Variants in KHDRBS1 observed in about 807,000 individuals in gnomAD.
KHDRBS1 encodes KH domain-containing, RNA-binding, signal transduction-associated protein 1.
Under a neutral mutation model 48.4 loss-of-function variants are expected in KHDRBS1, and 7 were observed. That is an observed-to-expected ratio of 0.14 (90% confidence interval 0.08 to 0.27). The LOEUF is 0.27. Among genes scored for constraint, KHDRBS1 ranks in the 10% least tolerant of loss-of-function variants. KHDRBS1 has a pLI of 1.00. For missense variants in KHDRBS1, 458 were observed against 601.2 expected (o/e 0.76, Z 2.49); for synonymous variants, 241 against 235.8 (o/e 1.02, Z -0.20).
chr1:32,030,513 C>T (rs1475102642), intron 2 of KHDRBS1, 91 bp downstream of exon 2: 1 of 1,080,526 alleles, frequency 9.3e-7, no homozygotes, highest in South Asian at 2.2e-5. Context: ...GATTGTGATG[C>T]TTTAGAAACT....
intron 10 of KHDRBS1, among the ~76,000 whole-genome samples, chr1:32,053,078 A>G (rs1639443055): frequency 6.6e-6 from 1 of 152,192 alleles, no homozygotes; most frequent in Non-Finnish European, 1.5e-5. Flanking sequence ...TCTTGAGCCC[A>G]GGAGGTCAAG....
At chr1:32,024,308 T>A (rs925511755) in intron 1 of KHDRBS1, among the ~76,000 whole-genome samples, 1 of 151,672 alleles carries the variant, frequency 6.6e-6, no homozygotes, top group African/African-American at 2.4e-5. Flanking sequence ...TTTCTAAAAT[T>A]TTTTATTAAT....
At chr1:32,038,741 T>A (rs1639231570) in intron 7 of KHDRBS1, 122 bp downstream of exon 7, 2 of 857,058 alleles carry the variant, frequency 2.3e-6, no homozygotes, top group Non-Finnish European at 3.8e-6. Context: ...TGAGGGTATC[T>A]CCTCTGCAAC....
At chr1:32,028,169 G>A (rs898972899) in intron 1 of KHDRBS1, among the ~76,000 whole-genome samples, 11 of 152,190 alleles carry the variant, frequency 7.2e-5, no homozygotes, top group Non-Finnish European at 1.2e-4. Context: ...TTTGTGGAAC[G>A]TGTTTGAGGT....
In KHDRBS1 at chr1:32,013,898, T is replaced by TCGCTAC. The variant is rs1167498296; in HGVS notation, c.-93_-88dup. 2 of 1,204,370 alleles carry TCGCTAC rather than the reference T, an allele frequency of 1.7e-6. No homozygotes were observed. Among genetic ancestry groups the TCGCTAC allele is most frequent in the Non-Finnish European group, 2.1e-6 (2 of 938,022 alleles). The allele number at this position is 1,204,370 out of a possible 1,614,324, so 74.6% of individuals were successfully genotyped here. A position where few individuals can be genotyped will look rare whatever the true frequency, so the allele number is the denominator to read the frequency against. ...GCTGGGTCGCTCGGGTCGGCTTCGG[T>TCGCTAC]CGCTACCGCTCCCGCTCTGCCACCC... On this transcript the variant is annotated 5_prime_UTR_variant, in exon 1 of 9. Transcript: ENST00000327300.
At chr1:32,041,982 A>G (rs1372278608) in intron 8 of KHDRBS1, among the ~76,000 whole-genome samples, 1 of 152,124 alleles carries the variant, frequency 6.6e-6, no homozygotes, top group East Asian at 1.9e-4. Context: ...GGAGGGCCCC[A>G]TGGAAAGTGG....
intron 8 of KHDRBS1, among the ~76,000 whole-genome samples, chr1:32,040,527 C>T (rs1384591437): frequency 6.6e-6 from 1 of 152,206 alleles, no homozygotes; most frequent in African/African-American, 2.4e-5. Flanking sequence ...CAACACAGTC[C>T]TTGATCCCAA....
At position 32,036,883 on chromosome 1, in the gene KHDRBS1, A is replaced by G. The variant is rs758534683; in HGVS notation, c.772-27A>G. On this transcript the variant is annotated intron_variant, in intron 4 of 8. Transcript: ENST00000327300. ...TCAGTAGAAAGTGTAGATACCACAC[A>G]ATACTCCTTGTATCTTTCGTTCCCA... 3 of 1,604,030 alleles carry G rather than the reference A, an allele frequency of 1.9e-6. No individual in the cohort carries two copies. The Admixed American group carries it at 5.1e-5, about 27-fold the overall frequency.
chr1:32,045,745 A>G (rs1211352935), downstream of KHDRBS1, among the ~76,000 whole-genome samples: 1 of 152,238 alleles, frequency 6.6e-6, no homozygotes, highest in African/African-American at 2.4e-5. Flanking sequence ...AGTGCGAAGG[A>G]TAAAAAATCT....
At chr1:32,033,106 C>T in intron 3 of KHDRBS1, 82 bp from the exon 4 acceptor site, 1 of 1,054,432 alleles carries the variant, frequency 9.5e-7, no homozygotes, top group Non-Finnish European at 1.5e-6. Flanking sequence ...AGGGGTATTT[C>T]TTGCTGTTCC....
At chr1:32,055,318 C>G (rs374752722) in intron 10 of KHDRBS1, among the ~76,000 whole-genome samples, 5 of 152,112 alleles carry the variant, frequency 3.3e-5, no homozygotes, top group Non-Finnish European at 5.9e-5. Context: ...CGTGGTGGCG[C>G]GCATCTGTAA....
chr1:32,020,072 G>A (rs1309093386), intron 1 of KHDRBS1, among the ~76,000 whole-genome samples: 1 of 151,660 alleles, frequency 6.6e-6, no homozygotes, highest in Admixed American at 6.6e-5. Context: ...CCAGCCCAAT[G>A]CAGGTTTTGT....
downstream of KHDRBS1, among the ~76,000 whole-genome samples, chr1:32,044,562 A>G (rs1557899321): frequency 1.3e-5 from 2 of 152,164 alleles, no homozygotes; most frequent in Non-Finnish European, 2.9e-5. Context: ...ATCCTCTTGT[A>G]TTGAAGTGCC....
intron 4 of KHDRBS1, among the ~76,000 whole-genome samples, chr1:32,035,831 A>G (rs1019216125): frequency 2.6e-5 from 4 of 152,202 alleles, no homozygotes; most frequent in Non-Finnish European, 5.9e-5. Context: ...ATTATGTGGT[A>G]AGTGCTTGGG....
chr1:32,017,954 A>C (rs886478209), intron 1 of KHDRBS1, among the ~76,000 whole-genome samples: 7 of 152,054 alleles, frequency 4.6e-5, no homozygotes, highest in Admixed American at 3.9e-4. Context: ...AGTATAAGTG[A>C]CTCAAGAATA....
chr1:32,039,117 A>T (rs1216907255), intron 7 of KHDRBS1, among the ~76,000 whole-genome samples: 1 of 152,202 alleles, frequency 6.6e-6, no homozygotes, highest in African/African-American at 2.4e-5. Context: ...TTTCTCTTTA[A>T]GACCATTTCC....
chr1:32,044,452 G>A (rs2124393566), downstream of KHDRBS1, among the ~76,000 whole-genome samples: 1 of 152,316 alleles, frequency 6.6e-6, no homozygotes, highest in South Asian at 2.1e-4. Flanking sequence ...ACCAAGAGAG[G>A]AAGTGATGGA....
intron 10 of KHDRBS1, among the ~76,000 whole-genome samples, chr1:32,053,231 A>G (rs1639444306): frequency 2.0e-5 from 3 of 152,204 alleles, no homozygotes; most frequent in Admixed American, 2.0e-4. Context: ...AGAACTGAAT[A>G]CCAGGGAGCC....
At chr1:32,058,684 TC>T (rs1432840027) in intron 10 of KHDRBS1, among the ~76,000 whole-genome samples, 1 of 152,094 alleles carries the variant, frequency 6.6e-6, no homozygotes, top group Admixed American at 6.6e-5. Flanking sequence ...ATGCCTGTAA[TC>T]CCAGCTGCTC....
Sources: allele counts gnomAD v4.1 joint callset (sites outside exome capture counted in the v4.1 genomes callset), GRCh38; gene constraint gnomAD v4.1.1; transcripts MANE v1.5; gene names NCBI Gene and HGNC (gene_info 2026-07-23, HGNC 2026-07-21).